The following PTPRO variants were observed in gnomAD, a reference collection of about 807,000 sequenced individuals.
PTPRO encodes protein tyrosine phosphatase receptor type O, also known as receptor-type tyrosine-protein phosphatase O.
Under a neutral mutation model 145.2 loss-of-function variants are expected in PTPRO, and 62 were observed. The ratio of observed to expected loss-of-function variants is 0.43; its 90% CI spans 0.35 to 0.53. PTPRO has a LOEUF of 0.53. Ranked by LOEUF, PTPRO falls within the 20% of genes least tolerant of loss-of-function variation. The pLI is 0.01. For synonymous variants in PTPRO, 565 were observed against 514.7 expected, an observed-to-expected ratio of 1.10 and a Z score of -1.32; for missense variants, 1,345 against 1,482.7, an observed-to-expected ratio of 0.91 and a Z score of 1.53.
intron 12 of PTPRO, among the ~76,000 whole-genome samples, chr12:15,529,980 C>A (rs1374969205): frequency 6.6e-6 from 1 of 152,154 alleles, no homozygotes; most frequent in African/African-American, 2.4e-5. Context: ...GAGAAACCCA[C>A]TTCACCTGTA....
intron 2 of PTPRO, among the ~76,000 whole-genome samples, chr12:15,488,611 T>C (rs1341777855): frequency 3.3e-5 from 5 of 152,326 alleles, no homozygotes; most frequent in African/African-American, 7.2e-5. Flanking sequence ...ATAGCAGTCA[T>C]TTATTGTGTG....
chr12:15,580,973 G>T, intron 22 of PTPRO, 142 bp downstream of exon 22: 1 of 1,214,934 alleles, frequency 8.2e-7, no homozygotes, highest in Non-Finnish European at 1.2e-6. Flanking sequence ...CGGGAAGCAA[G>T]AATTAGAATT....
chr12:15,386,722 T>C (rs910603927), intron 1 of PTPRO, among the ~76,000 whole-genome samples: 2 of 152,150 alleles, frequency 1.3e-5, no homozygotes, highest in African/African-American at 4.8e-5. Flanking sequence ...CCACAGCAGA[T>C]AGCCTACATG....
At position 15,322,860 on chromosome 12, in the gene PTPRO, G is replaced by T; in HGVS notation, c.75+59G>T. 4 of 1,553,676 alleles carry T rather than the reference G, an allele frequency of 2.6e-6. No homozygotes were observed. In the South Asian group the frequency reaches 4.6e-5, roughly 18 times the overall value. On this transcript the variant is annotated intron_variant, in intron 1 of 26. Coordinates refer to ENST00000281171, the MANE Select transcript of PTPRO (RefSeq NM_030667.3). The surrounding 1 kb of genome is among the most constrained non-coding windows in gnomAD (Gnocchi z 6.3). ...GTCCGGGCGGCAGCCGCGCTCCGGC[G>T]CCCTCGCTCTGCCGTTGGGAGCGGC...
chr12:15,432,445 A>G (rs1322816807), intron 1 of PTPRO, among the ~76,000 whole-genome samples: 1 of 152,196 alleles, frequency 6.6e-6, no homozygotes, highest in Non-Finnish European at 1.5e-5. Flanking sequence ...GCTACTGTCA[A>G]TAGTGCTGCA....
In PTPRO at chr12:15,447,840, G is replaced by A. The variant is rs376143487; in HGVS notation, c.76-36134G>A. ...GTTTCATTCTCTGCAGATTGATCAC[G>A]TCAAATTCATCAGGTTCATTTCCAA... On this transcript the variant is annotated intron_variant, in intron 1 of 26. Transcript: ENST00000281171. 4.7e-4 allele frequency among the ~76,000 whole-genome samples: 72 copies of A among 152,196 alleles called. 1 individual carries two copies. The South Asian group carries it at 0.012, about 25-fold the overall frequency.
intron 1 of PTPRO, among the ~76,000 whole-genome samples, chr12:15,367,730 G>A (rs1938405127): frequency 6.6e-6 from 1 of 152,058 alleles, no homozygotes; most frequent in Non-Finnish European, 1.5e-5. Flanking sequence ...AGTTGATCAG[G>A]TCAAAAAGTG....
chr12:15,327,156 C>T (rs1275493612), intron 1 of PTPRO, among the ~76,000 whole-genome samples: 1 of 152,104 alleles, frequency 6.6e-6, no homozygotes, highest in South Asian at 2.1e-4. Context: ...ACAATGCACT[C>T]ATTACATTCA....
intron 1 of PTPRO, among the ~76,000 whole-genome samples, chr12:15,470,201 C>T (rs1296345903): frequency 6.6e-6 from 1 of 152,178 alleles, no homozygotes; most frequent in African/African-American, 2.4e-5. Context: ...TTTGGGAAAT[C>T]ATCTTGGCTC....
chr12:15,545,393 C>T (rs1332510693), intron 12 of PTPRO, among the ~76,000 whole-genome samples: 1 of 151,204 alleles, frequency 6.6e-6, no homozygotes, highest in Non-Finnish European at 1.5e-5. Flanking sequence ...GTAACAGGGA[C>T]CCCAGCTTAA....
chr12:15,551,506 C>T lies in PTPRO; in HGVS notation c.2438-45C>T, dbSNP rs764299386. Reference sequence around the variant, plus strand: ...AGCAATGAATGGTTCTGTTTGGTTCCCTGTAAGAGAACCTATGATGAAAAT... The same window carrying T: ...AGCAATGAATGGTTCTGTTTGGTTCTCTGTAAGAGAACCTATGATGAAAAT... On this transcript the variant is annotated intron_variant, in intron 14 of 26. Transcript: ENST00000281171. The T allele has an allele frequency of 3.7e-6, 6 of 1,605,344 alleles. No homozygotes were observed. The African/African-American group carries it at 8.0e-5, about 21-fold the overall frequency.
intron 1 of PTPRO, among the ~76,000 whole-genome samples, chr12:15,353,011 TTA>T (rs1170648137): frequency 4.6e-5 from 7 of 152,206 alleles, no homozygotes; most frequent in African/African-American, 1.7e-4. Context: ...CCTGAGGAAT[TTA>T]ATTTAATTGT....
chr12:15,406,591 G>A (rs1939653651), intron 1 of PTPRO, among the ~76,000 whole-genome samples: 1 of 151,874 alleles, frequency 6.6e-6, no homozygotes, highest in South Asian at 2.1e-4. Context: ...TTTCTCTAAT[G>A]GACCTCCTTA....
chr12:15,573,166 C>A (rs1167975161), intron 19 of PTPRO, among the ~76,000 whole-genome samples: 1 of 152,074 alleles, frequency 6.6e-6, no homozygotes, highest in Non-Finnish European at 1.5e-5. Flanking sequence ...AGTCTGAAAC[C>A]TGAAGGGCAG....
At chr12:15,323,019 T>G (rs1032542202) in intron 1 of PTPRO, among the ~76,000 whole-genome samples, 2 of 152,156 alleles carry the variant, frequency 1.3e-5, no homozygotes, top group African/African-American at 4.8e-5. Flanking sequence ...TAAGGGAAGT[T>G]TGCTCCCTCC....
At chr12:15,427,183 C>A (rs1196115042) in intron 1 of PTPRO, among the ~76,000 whole-genome samples, 3 of 151,864 alleles carry the variant, frequency 2.0e-5, no homozygotes, top group Admixed American at 6.6e-5. Context: ...CTCTTTATTC[C>A]CTGTTCTTTC....
intron 1 of PTPRO, among the ~76,000 whole-genome samples, chr12:15,382,059 G>A (rs1443961066): frequency 3.3e-5 from 5 of 151,314 alleles, no homozygotes; most frequent in African/African-American, 1.2e-4. Context: ...CTAGCAAACA[G>A]AGACCAAGAT....
At chr12:15,556,781 A>T (rs1943638811) in intron 15 of PTPRO, among the ~76,000 whole-genome samples, 1 of 152,196 alleles carries the variant, frequency 6.6e-6, no homozygotes, top group South Asian at 2.1e-4. Context: ...TGCTCAGTTC[A>T]TCTAGGAGAG....
At chr12:15,526,118 C>A in intron 11 of PTPRO, 24 bp from the exon 12 acceptor site, 1 of 1,613,672 alleles carries the variant, frequency 6.2e-7, no homozygotes. Flanking sequence ...AAAGTTTAAA[C>A]CCTTGATTTT....
Sources: allele counts gnomAD v4.1 joint callset (sites outside exome capture counted in the v4.1 genomes callset), GRCh38; gene constraint gnomAD v4.1.1; non-coding constraint Gnocchi (gnomAD v3.1); transcripts MANE v1.5; gene names NCBI Gene and HGNC (gene_info 2026-07-23, HGNC 2026-07-21).